ITGB4: variants seen among roughly 807,000 people sequenced by gnomAD.
The protein encoded by ITGB4 is integrin subunit beta 4.
In ITGB4, 159 loss-of-function variants were observed where a neutral mutation model predicts 207.6. The observed-to-expected ratio is 0.77, with a 90% CI of 0.67 to 0.87. The LOEUF is 0.87. ITGB4 is among the 40% of genes least tolerant of loss of function. The pLI is 0.00. For synonymous variants in ITGB4, 1,020 were observed against 1,062.7 expected (o/e 0.96, Z 0.78); for missense variants, 2,278 against 2,546.8 (o/e 0.89, Z 2.27).
At chr17:75,736,241 G>C in intron 14 of ITGB4, 47 bp from the exon 15 acceptor site, 1 of 1,603,702 alleles carries the variant, frequency 6.2e-7, no homozygotes, top group Non-Finnish European at 8.5e-7. Flanking sequence ...GAGGGAGCAG[G>C]CAGGGATGGG....
chr17:75,752,276 A>G lies in ITGB4; in HGVS notation c.3896A>G (p.Lys1299Arg), dbSNP rs1459746945. The G allele has an allele frequency of 6.2e-7, 1 of 1,613,300 alleles. No individual in the cohort carries two copies. Residue 1299 changes from lysine (K) to arginine (R), a missense_variant, in exon 31 of 40, where the codon AAG (lysine) becomes AGG (arginine). Transcript: ENST00000200181. Reference sequence around the variant, plus strand: ...TCCCAGCCCTACCGCTACACGGTGAAGGCGCGCAACGGGGCCGGCTGGGGG... The same window carrying G: ...TCCCAGCCCTACCGCTACACGGTGAGGGCGCGCAACGGGGCCGGCTGGGGG... ...RESQPYRYTV[K>R]ARNGAGWGPE...
chr17:75,746,903 T>C (rs1012763491), intron 26 of ITGB4, among the ~76,000 whole-genome samples: 5 of 130,922 alleles, frequency 3.8e-5, no homozygotes, highest in Non-Finnish European at 6.2e-5. Context: ...CACTCCAGCC[T>C]GGGTGACAGA....
rs376978406 is a variant in ITGB4 at position 75,739,856 on chromosome 17, C to T, written c.2255-24C>T. The stretch of plus-strand genomic sequence containing the variant: ...GCTGTGCGGGTCTAGGGAGGGGTGC[C>T]GTGCTGAGGACCCCATCCTGCAGGT... On this transcript the variant is annotated intron_variant, in intron 19 of 39. Transcript: ENST00000200181. The surrounding 1 kb of genome is among the most constrained non-coding windows in gnomAD (Gnocchi z 5.4). 5 of 1,612,776 alleles carry T rather than the reference C, an allele frequency of 3.1e-6. No homozygotes were observed. Among genetic ancestry groups the T allele is most frequent in the Non-Finnish European group, 2.5e-6 (3 of 1,179,286 alleles).
At position 75,729,587 on chromosome 17, in the gene ITGB4, T is replaced by A; in HGVS notation, c.738+151T>A. On this transcript the variant is annotated intron_variant, in intron 7 of 39. Coordinates refer to ENST00000200181, the MANE Select transcript of ITGB4 (RefSeq NM_000213.5). This position sits in a 1 kb window ranked among gnomAD's most constrained non-coding sequence, Gnocchi z 4.4. ...GCAACCCCTTCACCCTGAGACAAGC[T>A]CAGACTCTGTGAGTAGGTCTCAGTT... The A allele has an allele frequency of 1.3e-6, 1 of 784,226 alleles. No individual in the cohort carries two copies. The highest frequency in any genetic ancestry group is 2.0e-6 in the Non-Finnish European group (1 of 507,164). 48.6% of individuals were successfully genotyped at this position (784,226 alleles called of 1,614,324 possible). A position where few individuals can be genotyped will look rare whatever the true frequency, so the allele number is the denominator to read the frequency against.
chr17:75,736,295 G>A lies in ITGB4; in HGVS notation c.1769G>A (p.Cys590Tyr). ...TGCCCCCTCCTACCCCAGGGCATCT[G>A]TAATGGACGTGGCCACTGTGAGTGT... Reference protein sequence around the residue: ...ATCIDSNGGICNGRGHCECGR... With the variant: ...ATCIDSNGGIYNGRGHCECGR... Residue 590 changes from cysteine (C) to tyrosine (Y), a missense_variant, in exon 15 of 40, where the codon TGT becomes TAT. Cys to Tyr is a radical substitution (Grantham distance 194). Coordinates refer to ENST00000200181, the MANE Select transcript of ITGB4 (RefSeq NM_000213.5). 6.2e-7 allele frequency: 1 copy of A among 1,613,976 alleles called. No individual in the cohort carries two copies. Among genetic ancestry groups the A allele is most frequent in the Non-Finnish European group, 8.5e-7 (1 of 1,179,966 alleles).
chr17:75,750,014 C>G lies in ITGB4; in HGVS notation c.3317-97C>G. The G allele has an allele frequency of 6.7e-7, 1 of 1,499,892 alleles. No individual in the cohort carries two copies. Among genetic ancestry groups the G allele is most frequent in the South Asian group, 1.1e-5 (1 of 88,490 alleles). 92.9% of individuals were successfully genotyped at this position (1,499,892 alleles called of 1,614,324 possible). ...GGTGGGCAGGTCTGAGTTGAATGCG[C>G]TGGGTAGAGCGCCCTGGGTGTTGAA... is the stretch of plus-strand genomic sequence containing the variant. On this transcript the variant is annotated intron_variant, in intron 27 of 39. Transcript: ENST00000200181. This position sits in a 1 kb window ranked among gnomAD's most constrained non-coding sequence, Gnocchi z 5.5.
chr17:75,727,938 C>CTG lies in ITGB4; in HGVS notation c.469+84_469+85dup, dbSNP rs1236614302. The CTG allele has an allele frequency of 6.4e-6, 8 of 1,247,480 alleles. No homozygotes were observed. The highest frequency in any genetic ancestry group is 9.3e-6 in the Non-Finnish European group (8 of 861,906). 77.3% of individuals were successfully genotyped at this position (1,247,480 alleles called of 1,614,324 possible). On this transcript the variant is annotated intron_variant, in intron 5 of 39. Transcript: ENST00000200181. The surrounding 1 kb of genome is among the most constrained non-coding windows in gnomAD (Gnocchi z 6.0). ...CTTGGGAGGCCAGGACTCAGGACAGCTGCACCCACCCAGAAGGAAACACTG... is the reference window on the plus strand; with the variant it reads ...CTTGGGAGGCCAGGACTCAGGACAGCTGTGCACCCACCCAGAAGGAAACACTG...
intron 26 of ITGB4, 83 bp downstream of exon 26, chr17:75,743,944 T>C: frequency 7.0e-7 from 1 of 1,419,014 alleles, no homozygotes; most frequent in Non-Finnish European, 9.6e-7. Context: ...AAGCAGCACA[T>C]GGCAGCTGCT....
intron 13 of ITGB4, 45 bp from the exon 14 acceptor site, chr17:75,736,002 TACAG>T (rs1379609051): frequency 6.3e-7 from 1 of 1,582,948 alleles, no homozygotes; most frequent in Non-Finnish European, 8.7e-7. Flanking sequence ...CAGCCTGGAC[TACAG>T]GCACAGATGT....
chr17:75,747,559 C>T (rs1309663847), intron 26 of ITGB4, among the ~76,000 whole-genome samples: 4 of 152,194 alleles, frequency 2.6e-5, no homozygotes, highest in Admixed American at 6.5e-5. Flanking sequence ...TCCTTTATAG[C>T]GTTTTTCCCC....
Position 75,750,112 on chromosome 17 carries a change from T to C in ITGB4, c.3318T>C (p.Asp1106=). ...HSTTIIIRDP[D]ELDRSFTSQM... ...CCCGGCCCCAACCTGACCCGTTAGATGAACTGGACCGGAGCTTCACGAGTC... is the reference window on the plus strand; with the variant it reads ...CCCGGCCCCAACCTGACCCGTTAGACGAACTGGACCGGAGCTTCACGAGTC... Residue 1106 remains aspartate (D), a splice_region_variant and synonymous_variant, in exon 28 of 40, where the codon GAT becomes GAC. Transcript: ENST00000200181. The surrounding 1 kb of genome is among the most constrained non-coding windows in gnomAD (Gnocchi z 5.5). 6.2e-7 allele frequency: 1 copy of C among 1,613,520 alleles called. No individual in the cohort carries two copies.
chr17:75,745,660 C>T (rs1423067819), intron 26 of ITGB4, among the ~76,000 whole-genome samples: 1 of 152,096 alleles, frequency 6.6e-6, no homozygotes, highest in African/African-American at 2.4e-5. Flanking sequence ...AGGTGGATCG[C>T]CTGAGGTCAC....
At chr17:75,743,194 T>G (rs921900133) in intron 25 of ITGB4, among the ~76,000 whole-genome samples, 4 of 152,102 alleles carry the variant, frequency 2.6e-5, no homozygotes, top group African/African-American at 7.2e-5. Context: ...CTCCTCTGCC[T>G]GGCCCTTCCA....
In ITGB4 at chr17:75,756,433, G is replaced by A; in HGVS notation, c.4713G>A (p.Glu1571=). The part of the protein sequence containing the change: ...SVEYQLLNGG[E]LHRLNIPNPA... ...GCCCCCACCTGATCCCCCCAGGTGA[G>A]CTGCATCGGCTCAACATCCCCAACC... Residue 1571 remains glutamate, a synonymous_variant, in exon 36 of 40, where the codon GAG becomes GAA. Coordinates refer to ENST00000200181, the MANE Select transcript of ITGB4 (RefSeq NM_000213.5). 6.2e-7 allele frequency: 1 copy of A among 1,613,266 alleles called. No homozygotes were observed. The highest frequency in any genetic ancestry group is 8.5e-7 in the Non-Finnish European group (1 of 1,179,986).
In ITGB4 at chr17:75,740,318, G is replaced by A. The variant is rs762482244; in HGVS notation, c.2447-40G>A. ...TGTGGTGCCTGTCATGCAGGGGGCT[G>A]ACCACCTCCATCTCACCCCCTCCCA... is the stretch of plus-strand genomic sequence containing the variant. On this transcript the variant is annotated intron_variant, in intron 20 of 39. Coordinates refer to ENST00000200181, the MANE Select transcript of ITGB4 (RefSeq NM_000213.5). This position sits in a 1 kb window ranked among gnomAD's most constrained non-coding sequence, Gnocchi z 5.9. The A allele has an allele frequency of 1.3e-6, 2 of 1,543,062 alleles. No individual in the cohort carries two copies. The highest frequency in any genetic ancestry group is 8.9e-7 in the Non-Finnish European group (1 of 1,123,138).
intron 2 of ITGB4, among the ~76,000 whole-genome samples, chr17:75,725,941 C>T (rs2060708778): frequency 6.6e-6 from 1 of 152,208 alleles, no homozygotes; most frequent in Non-Finnish European, 1.5e-5. Context: ...AGGTGCAGCT[C>T]ATCAAAGGTA....
chr17:75,731,044 G>T lies in ITGB4; in HGVS notation c.1092+80G>T. ...GGGCAGGGTGGGCAAGAGGTGTCTT[G>T]GATCACGGTGGAGAAATGGGTCTGG... On this transcript the variant is annotated intron_variant, in intron 9 of 39. Transcript: ENST00000200181. The surrounding 1 kb of genome is among the most constrained non-coding windows in gnomAD (Gnocchi z 6.8). The T allele has an allele frequency of 6.9e-7, 1 of 1,447,208 alleles. No homozygotes were observed. The highest frequency in any genetic ancestry group is 1.2e-5 in the South Asian group (1 of 86,840). The allele number at this position is 1,447,208 out of a possible 1,614,324, so 89.6% of individuals were successfully genotyped here. A position where few individuals can be genotyped will look rare whatever the true frequency, so the allele number is the denominator to read the frequency against.
chr17:75,744,508 A>G (rs1178233751), intron 26 of ITGB4, among the ~76,000 whole-genome samples: 1 of 152,170 alleles, frequency 6.6e-6, no homozygotes, highest in African/African-American at 2.4e-5. Flanking sequence ...AGGGTAGCCA[A>G]ACCTCTTGGA....
chr17:75,728,606 T>C (rs949793105), intron 6 of ITGB4, 133 bp downstream of exon 6: 5 of 740,562 alleles, frequency 6.8e-6, no homozygotes, highest in Admixed American at 4.1e-5. Context: ...CCCAGCACTT[T>C]GGGAGACCAG....
Sources: gnomAD v4.1 joint callset for allele counts (sites outside exome capture counted in the v4.1 genomes callset) on GRCh38, gnomAD v4.1.1 for gene constraint, Gnocchi (gnomAD v3.1) non-coding constraint, MANE v1.5 for transcripts, NCBI Gene and HGNC (gene_info 2026-07-23, HGNC 2026-07-21) for gene names.